GRID1: variants seen among roughly 807,000 people sequenced by gnomAD.
GRID1 encodes glutamate ionotropic receptor delta type subunit 1.
In GRID1, 28 loss-of-function variants were observed where a neutral mutation model predicts 98.0. The observed-to-expected ratio is 0.29, with a 90% CI of 0.21 to 0.39. GRID1 has a LOEUF of 0.39. GRID1 is among the 10% of genes least tolerant of loss of function. The pLI is 1.00. For missense variants in GRID1, 1,111 were observed against 1,340.5 expected (o/e 0.83, Z 2.67); for synonymous variants, 553 against 538.5 (o/e 1.03, Z -0.37).
At chr10:85,669,292 G>T (rs1412797090) in intron 12 of GRID1, among the ~76,000 whole-genome samples, 1 of 152,224 alleles carries the variant, frequency 6.6e-6, no homozygotes, top group Admixed American at 6.5e-5. Context: ...CCATGAGCCA[G>T]GCAATGTGTA....
intron 2 of GRID1, among the ~76,000 whole-genome samples, chr10:86,217,238 C>G (rs955380567): frequency 3.3e-5 from 5 of 152,206 alleles, no homozygotes; most frequent in African/African-American, 1.2e-4. Flanking sequence ...GCCCAGGAGA[C>G]AGTCAGGCCA....
At chr10:86,147,079 C>T (rs11595188) in intron 3 of GRID1, among the ~76,000 whole-genome samples, 12,156 of 152,238 alleles carry the variant, frequency 0.08, 541 homozygotes, top group Middle Eastern at 0.19. Flanking sequence ...ATGATGGTGT[C>T]CTGCCAGATT....
chr10:85,604,568 A>G (rs1346453868), intron 15 of GRID1, among the ~76,000 whole-genome samples: 2 of 152,132 alleles, frequency 1.3e-5, no homozygotes, highest in African/African-American at 4.8e-5. Context: ...TCGTCGGGAA[A>G]TTGTGGGAAC....
chr10:85,707,735 T>C (rs1841536777), intron 12 of GRID1, among the ~76,000 whole-genome samples: 1 of 152,128 alleles, frequency 6.6e-6, no homozygotes, highest in African/African-American at 2.4e-5. Flanking sequence ...AATGATAGAC[T>C]GGATTAAGGA....
chr10:85,632,181 GA>G (rs1341941527), intron 13 of GRID1, among the ~76,000 whole-genome samples: 1 of 152,216 alleles, frequency 6.6e-6, no homozygotes, highest in Non-Finnish European at 1.5e-5. Context: ...CTGAGCTGCT[GA>G]ATGGGGCACA....
intron 12 of GRID1, among the ~76,000 whole-genome samples, chr10:85,699,812 T>A (rs1841432275): frequency 1.3e-5 from 2 of 152,220 alleles, no homozygotes; most frequent in South Asian, 2.1e-4. Flanking sequence ...AGATTGCCTA[T>A]CTTTCCTTAG....
chr10:85,736,945 T>C (rs1841889439), intron 8 of GRID1, among the ~76,000 whole-genome samples: 1 of 152,096 alleles, frequency 6.6e-6, no homozygotes, highest in Non-Finnish European at 1.5e-5. Context: ...AAGGTATAAC[T>C]TGAGAGGTCA....
At chr10:86,353,753 G>A (rs1234464314) in intron 2 of GRID1, among the ~76,000 whole-genome samples, 1 of 152,206 alleles carries the variant, frequency 6.6e-6, no homozygotes, top group Admixed American at 6.5e-5. Context: ...CCACGGGGTT[G>A]TTTTAGTTAC....
intron 14 of GRID1, among the ~76,000 whole-genome samples, chr10:85,615,835 C>A (rs532398003): frequency 1.1e-4 from 17 of 152,260 alleles, no homozygotes; most frequent in East Asian, 3.9e-4. Context: ...GTTGCAGGAA[C>A]CTCAGGGACA....
intron 4 of GRID1, among the ~76,000 whole-genome samples, chr10:86,030,254 G>T (rs368207789): frequency 6.1e-4 from 93 of 152,258 alleles, no homozygotes; most frequent in Non-Finnish European, 9.7e-4. Flanking sequence ...GAGAACGGTT[G>T]GTTTAAAACA....
chr10:86,025,825 A>G (rs971285784), intron 4 of GRID1, among the ~76,000 whole-genome samples: 5 of 152,228 alleles, frequency 3.3e-5, no homozygotes, highest in Admixed American at 3.3e-4. Context: ...GGGACCTGGA[A>G]TAATGCCTCT....
intron 4 of GRID1, among the ~76,000 whole-genome samples, chr10:85,990,035 C>A (rs1042472167): frequency 2.0e-5 from 3 of 152,210 alleles, no homozygotes; most frequent in Admixed American, 1.3e-4. Flanking sequence ...CTGAATCTGT[C>A]TGCACTTGGA....
intron 4 of GRID1, among the ~76,000 whole-genome samples, chr10:85,998,357 G>A (rs181876275): frequency 4.6e-5 from 7 of 152,002 alleles, no homozygotes; most frequent in South Asian, 2.1e-4. Context: ...GAAAATATCC[G>A]AACACTTGAA....
intron 2 of GRID1, among the ~76,000 whole-genome samples, chr10:86,211,569 A>T (rs1273093055): frequency 6.6e-6 from 1 of 152,146 alleles, no homozygotes; most frequent in Non-Finnish European, 1.5e-5. Flanking sequence ...CCTGGAGAAG[A>T]TGTTCACATC....
At chr10:86,066,210 G>A (rs1018085425) in intron 4 of GRID1, among the ~76,000 whole-genome samples, 13 of 152,222 alleles carry the variant, frequency 8.5e-5, no homozygotes, top group South Asian at 2.1e-4. Flanking sequence ...CCCCCAGCCC[G>A]GCAGCCCCTT....
intron 4 of GRID1, among the ~76,000 whole-genome samples, chr10:86,065,099 C>T (rs1381326528): frequency 1.3e-5 from 2 of 152,158 alleles, no homozygotes; most frequent in Non-Finnish European, 2.9e-5. Context: ...CCCACTAGGG[C>T]CACCACCCGG....
chr10:85,689,533 T>C (rs1841309402), intron 12 of GRID1, among the ~76,000 whole-genome samples: 1 of 151,594 alleles, frequency 6.6e-6, no homozygotes, highest in African/African-American at 2.4e-5. Flanking sequence ...AAGTTGCTGA[T>C]ATACATGCAA....
intron 2 of GRID1, among the ~76,000 whole-genome samples, chr10:86,361,197 G>A (rs546498404): frequency 3.9e-5 from 6 of 152,276 alleles, no homozygotes; most frequent in South Asian, 2.1e-4. Context: ...CTGCAGCAGA[G>A]CCCCAGGCAA....
chr10:85,749,387 G>A (rs147731087), intron 8 of GRID1, among the ~76,000 whole-genome samples: 1 of 152,248 alleles, frequency 6.6e-6, no homozygotes, highest in African/African-American at 2.4e-5. Context: ...GCATGGAGAA[G>A]ACATTCCCTA....
Sources: gnomAD v4.1 joint callset for allele counts (sites outside exome capture counted in the v4.1 genomes callset) on GRCh38, gnomAD v4.1.1 for gene constraint, MANE v1.5 for transcripts, NCBI Gene and HGNC (gene_info 2026-07-23, HGNC 2026-07-21) for gene names.